The following LRRC4C variants were observed in gnomAD, a reference collection of about 807,000 sequenced individuals.
LRRC4C encodes leucine rich repeat containing 4C.
In LRRC4C, 5 loss-of-function variants were observed where a neutral mutation model predicts 33.6. The ratio of observed to expected loss-of-function variants is 0.15; its 90% CI spans 0.08 to 0.31. The LOEUF (loss-of-function observed/expected upper bound fraction) is 0.31. Ranked by LOEUF, LRRC4C falls within the 10% of genes least tolerant of loss-of-function variation. The probability of loss-of-function intolerance (pLI) is 1.00; values close to 1 mark genes in which losing one functional copy is unlikely to be tolerated. For missense variants in LRRC4C, 560 were observed against 796.7 expected, an observed-to-expected ratio of 0.70 and a Z score of 3.58; for synonymous variants, 329 against 302.0, an observed-to-expected ratio of 1.09 and a Z score of -0.93.
At chr11:41,351,334 T>C (rs1951978220) in intron 1 of LRRC4C, among the ~76,000 whole-genome samples, 1 of 151,534 alleles carries the variant, frequency 6.6e-6, no homozygotes, top group African/African-American at 2.4e-5. Flanking sequence ...CTCTGGGAAA[T>C]AGGGAATTAT....
At chr11:41,199,461 A>C (rs1946317581) in intron 1 of LRRC4C, among the ~76,000 whole-genome samples, 1 of 152,090 alleles carries the variant, frequency 6.6e-6, no homozygotes. Context: ...AATTGAATAG[A>C]GCATTTCTGA....
At chr11:40,212,851 C>T (rs963177096) in intron 5 of LRRC4C, among the ~76,000 whole-genome samples, 2 of 152,090 alleles carry the variant, frequency 1.3e-5, no homozygotes, top group Admixed American at 6.6e-5. Flanking sequence ...ACTTTGTTAC[C>T]ACTGGCAAAC....
intron 3 of LRRC4C, among the ~76,000 whole-genome samples, chr11:40,483,662 T>C (rs1253840475): frequency 6.6e-6 from 1 of 151,842 alleles, no homozygotes; most frequent in East Asian, 1.9e-4. Flanking sequence ...GGAAAGCACA[T>C]AGACACTGAA....
chr11:41,078,587 T>C (rs983547071), intron 1 of LRRC4C, among the ~76,000 whole-genome samples: 1 of 152,100 alleles, frequency 6.6e-6, no homozygotes, highest in Non-Finnish European at 1.5e-5. Flanking sequence ...AGGTGCCACA[T>C]CTTTTCAGAC....
chr11:41,118,806 G>A (rs1942272830), intron 1 of LRRC4C, among the ~76,000 whole-genome samples: 1 of 152,102 alleles, frequency 6.6e-6, no homozygotes, highest in South Asian at 2.1e-4. Flanking sequence ...AAATAGCCCT[G>A]TGGAACTTAT....
chr11:40,331,326 A>T (rs1317029253), intron 3 of LRRC4C, among the ~76,000 whole-genome samples: 1 of 152,214 alleles, frequency 6.6e-6, no homozygotes, highest in Non-Finnish European at 1.5e-5. Flanking sequence ...AGGAAAGAAA[A>T]TCAGTATGTC....
intron 1 of LRRC4C, among the ~76,000 whole-genome samples, chr11:41,166,422 T>C (rs1027698650): frequency 4.6e-5 from 7 of 152,184 alleles, no homozygotes; most frequent in African/African-American, 9.6e-5. Context: ...GAACGACATA[T>C]AGTCAGACCT....
At chr11:40,568,906 C>T (rs1156745055) in intron 3 of LRRC4C, among the ~76,000 whole-genome samples, 1 of 152,116 alleles carries the variant, frequency 6.6e-6, no homozygotes, top group Admixed American at 6.6e-5. Context: ...TCAAGGATTA[C>T]AGGTAAAGGT....
intron 1 of LRRC4C, among the ~76,000 whole-genome samples, chr11:41,458,799 C>T (rs1956247695): frequency 6.6e-6 from 1 of 151,910 alleles, no homozygotes; most frequent in Non-Finnish European, 1.5e-5. Context: ...TAATGAGATG[C>T]AATAGCGAGA....
intron 5 of LRRC4C, among the ~76,000 whole-genome samples, chr11:40,198,161 C>T (rs1409355541): frequency 6.6e-6 from 1 of 152,028 alleles, no homozygotes; most frequent in East Asian, 1.9e-4. Context: ...AAAAGGAAGG[C>T]GAAAGGGACG....
intron 5 of LRRC4C, among the ~76,000 whole-genome samples, chr11:40,190,122 T>C (rs535872092): frequency 6.6e-6 from 1 of 152,080 alleles, no homozygotes; most frequent in Non-Finnish European, 1.5e-5. Flanking sequence ...TAAAACCCCA[T>C]GAGGATGGCA....
At chr11:41,389,004 C>G (rs1447705992) in intron 1 of LRRC4C, among the ~76,000 whole-genome samples, 1 of 151,562 alleles carries the variant, frequency 6.6e-6, no homozygotes, top group Non-Finnish European at 1.5e-5. Context: ...GTCTACATAG[C>G]CAATCTACAG....
At chr11:40,457,165 A>G (rs1337978880) in intron 3 of LRRC4C, among the ~76,000 whole-genome samples, 1 of 151,786 alleles carries the variant, frequency 6.6e-6, no homozygotes, top group African/African-American at 2.4e-5. Context: ...TTTTTTTAAA[A>G]AAAAGAATCT....
intron 1 of LRRC4C, among the ~76,000 whole-genome samples, chr11:41,240,070 T>C (rs2136539343): frequency 6.6e-6 from 1 of 152,276 alleles, no homozygotes; most frequent in Non-Finnish European, 1.5e-5. Context: ...TTTATAAAAA[T>C]CAAATGTCAA....
intron 3 of LRRC4C, among the ~76,000 whole-genome samples, chr11:40,538,923 G>T (rs1486105441): frequency 1.3e-5 from 2 of 152,112 alleles, no homozygotes; most frequent in Non-Finnish European, 2.9e-5. Flanking sequence ...TGTGTCTGTT[G>T]TCTGCATAAA....
chr11:40,878,328 C>T (rs1471389195), intron 2 of LRRC4C, among the ~76,000 whole-genome samples: 1 of 152,128 alleles, frequency 6.6e-6, no homozygotes, highest in Non-Finnish European at 1.5e-5. Context: ...TGATATGAGT[C>T]TGCAAGCAAT....
intron 2 of LRRC4C, among the ~76,000 whole-genome samples, chr11:40,824,107 GAAAAC>G (rs1456018078): frequency 1.3e-5 from 2 of 151,840 alleles, no homozygotes; most frequent in African/African-American, 4.8e-5. Flanking sequence ...TTTATAGACA[GAAAAC>G]AAATCTATAG....
chr11:40,390,609 G>A (rs1011181549), intron 3 of LRRC4C, among the ~76,000 whole-genome samples: 1 of 151,978 alleles, frequency 6.6e-6, no homozygotes, highest in African/African-American at 2.4e-5. Context: ...TTTTTCTTAG[G>A]AGATAAAATA....
chr11:41,195,937 C>T (rs561344913), intron 1 of LRRC4C, among the ~76,000 whole-genome samples: 2 of 152,188 alleles, frequency 1.3e-5, no homozygotes, highest in Non-Finnish European at 1.5e-5. Context: ...GGAAGGAAGT[C>T]TCATCTACTT....
Sources: gnomAD v4.1 joint callset for allele counts (sites outside exome capture counted in the v4.1 genomes callset) on GRCh38, gnomAD v4.1.1 for gene constraint, MANE v1.5 for transcripts, NCBI Gene and HGNC (gene_info 2026-07-23, HGNC 2026-07-21) for gene names.